The following HIPK2 variants were observed in gnomAD, a reference collection of about 807,000 sequenced individuals.
HIPK2 encodes homeodomain interacting protein kinase 2, also known as homeodomain-interacting protein kinase 2.
Under a neutral mutation model 113.7 loss-of-function variants are expected in HIPK2, and 27 were observed. The observed-to-expected ratio is 0.24, with a 90% confidence interval of 0.17 to 0.33. HIPK2 has a LOEUF of 0.33. Ranked by LOEUF, HIPK2 falls within the 10% of genes least tolerant of loss-of-function variation. The probability of loss-of-function intolerance (pLI) is 1.00; values close to 1 mark genes in which losing one functional copy is unlikely to be tolerated. For missense variants in HIPK2, 1,257 were observed against 1,588.0 expected, an observed-to-expected ratio of 0.79 and a Z score of 3.54; for synonymous variants, 631 against 642.2, an observed-to-expected ratio of 0.98 and a Z score of 0.26.
intron 1 of HIPK2, among the ~76,000 whole-genome samples, chr7:139,749,135 TG>T (rs1796238933): frequency 6.6e-6 from 1 of 152,244 alleles, no homozygotes; most frequent in South Asian, 2.1e-4. Context: ...TTTACAGGGA[TG>T]TTCTCTGGGT....
intron 2 of HIPK2, among the ~76,000 whole-genome samples, chr7:139,649,817 T>A (rs923593851): frequency 1.3e-5 from 2 of 151,992 alleles, no homozygotes; most frequent in African/African-American, 4.8e-5. Flanking sequence ...AACGTTAGGT[T>A]TAGTAGAGAA....
At chr7:139,750,226 A>C (rs553130242) in intron 1 of HIPK2, among the ~76,000 whole-genome samples, 84 of 152,354 alleles carry the variant, frequency 5.5e-4, no homozygotes, top group African/African-American at 1.8e-3. Context: ...TGGTTAAATA[A>C]AGACAGACAT....
At chr7:139,645,475 C>T (rs186095241) in intron 2 of HIPK2, among the ~76,000 whole-genome samples, 23 of 152,276 alleles carry the variant, frequency 1.5e-4, no homozygotes, top group Admixed American at 7.8e-4. Flanking sequence ...AAACAGGTAT[C>T]GTCTGAGGAG....
chr7:139,633,095 C>CAAAAAAAA (rs942820284), intron 2 of HIPK2, among the ~76,000 whole-genome samples: 88 of 74,250 alleles, frequency 1.2e-3, no homozygotes, highest in East Asian at 4.1e-3. Context: ...GACCCTGTCT[C>CAAAAAAAA]AAAAAAAAAA....
intron 2 of HIPK2, among the ~76,000 whole-genome samples, chr7:139,681,938 C>A (rs148606616): frequency 6.6e-6 from 1 of 152,154 alleles, no homozygotes; most frequent in Non-Finnish European, 1.5e-5. Flanking sequence ...CATGGCCTGG[C>A]CTGAGTGGGC....
intron 2 of HIPK2, among the ~76,000 whole-genome samples, chr7:139,651,517 G>A (rs1035298450): frequency 2.6e-5 from 4 of 152,168 alleles, no homozygotes; most frequent in African/African-American, 7.2e-5. Flanking sequence ...CCCTCTGCAC[G>A]TGTGTGTCAC....
chr7:139,721,167 T>A (rs545110776), intron 1 of HIPK2, among the ~76,000 whole-genome samples: 1 of 152,340 alleles, frequency 6.6e-6, no homozygotes, highest in African/African-American at 2.4e-5. Flanking sequence ...CAACGCTCAG[T>A]GCAGACGTGT....
intron 1 of HIPK2, among the ~76,000 whole-genome samples, chr7:139,728,682 A>G (rs145014166): frequency 2.0e-5 from 3 of 152,326 alleles, no homozygotes; most frequent in East Asian, 3.9e-4. Flanking sequence ...TGAATTTGGC[A>G]GGGGGGAAAC....
chr7:139,638,656 C>CTTTTTTTTTTTTTTTTTTTTTTT lies in HIPK2; in HGVS notation c.1104-6932_1104-6931insAAAAAAAAAAAAAAAAAAAAAAA, dbSNP rs1184555180. Among the ~76,000 whole-genome samples the CTTTTTTTTTTTTTTTTTTTTTTT allele has an allele frequency of 3.8e-4, 49 of 130,244 alleles. 1 individual carries two copies. Among genetic ancestry groups the CTTTTTTTTTTTTTTTTTTTTTTT allele is most frequent in the African/African-American group, 1.4e-3 (45 of 32,918 alleles). 85.4% of individuals were successfully genotyped at this position (130,244 alleles called of 152,430 possible). On this transcript the variant is annotated intron_variant, in intron 2 of 14. Coordinates refer to ENST00000406875, the MANE Select transcript of HIPK2 (RefSeq NM_022740.5). ...CTGGAGAAAGAGAGTAAATAATTGT[C>CTTTTTTTTTTTTTTTTTTTTTTT]TTTTTTTTTTTTTTTTTTTGAGACA...
chr7:139,584,021 C>T lies in HIPK2; in HGVS notation c.2761G>A (p.Val921Ile). The stretch of plus-strand genomic sequence containing the variant: ...GAGTCGGAGTAGGGGGAGTCGTGGA[C>T]TGTGACACAGCTGATGACGTTTTTT... ...QRKNVISCVTVHDSPYSDSSS... is the reference protein window; with the variant it reads ...QRKNVISCVTIHDSPYSDSSS... The change falls in exon 13 of 15, where the codon GTC (valine) becomes ATC (isoleucine). Residue 921 changes from valine (V) to isoleucine (I), a missense_variant. Val to Ile is a conservative substitution (Grantham distance 29). Around this residue, in one of 5 missense-constraint regions of HIPK2, gnomAD observed 862 missense variants for 1,004.3 expected, o/e 0.86. Coordinates refer to ENST00000406875, the MANE Select transcript of HIPK2 (RefSeq NM_022740.5). The T allele has an allele frequency of 6.2e-7, 1 of 1,610,726 alleles. No individual in the cohort carries two copies. The highest frequency in any genetic ancestry group is 8.5e-7 in the Non-Finnish European group (1 of 1,177,968).
intron 13 of HIPK2, among the ~76,000 whole-genome samples, chr7:139,576,075 G>A (rs1181041866): frequency 6.6e-6 from 1 of 152,264 alleles, no homozygotes; most frequent in Non-Finnish European, 1.5e-5. Flanking sequence ...GGGTGACTAT[G>A]AGTATCAGAG....
chr7:139,578,220 G>C lies in HIPK2; in HGVS notation c.2966-2932C>G, dbSNP rs558803667. 1.3e-3 allele frequency among the ~76,000 whole-genome samples: 196 copies of C among 152,298 alleles called. 1 individual carries two copies. The highest frequency in any genetic ancestry group is 2.1e-3 in the Non-Finnish European group (144 of 68,032). ...AGACGGGGTTTCACCATATTGGCCA[G>C]GCTGGTCTCGAATTCCTGACCTTGT... On this transcript the variant is annotated intron_variant, in intron 13 of 14. Transcript: ENST00000406875.
At chr7:139,753,810 AAGG>A (rs1480350116) in intron 1 of HIPK2, among the ~76,000 whole-genome samples, 5 of 152,242 alleles carry the variant, frequency 3.3e-5, no homozygotes, top group Admixed American at 6.5e-5. Context: ...ATAGGCAGCA[AAGG>A]AGGTGAGCCT....
chr7:139,763,676 A>G (rs1328764707), intron 1 of HIPK2, among the ~76,000 whole-genome samples: 1 of 152,228 alleles, frequency 6.6e-6, no homozygotes, highest in African/African-American at 2.4e-5. Context: ...GCTTCACGAT[A>G]AACAGTCTGT....
At chr7:139,738,662 C>A (rs1796011838) in intron 1 of HIPK2, among the ~76,000 whole-genome samples, 1 of 152,068 alleles carries the variant, frequency 6.6e-6, no homozygotes, top group African/African-American at 2.4e-5. Flanking sequence ...CATGACAAAA[C>A]AAATGGGGTG....
intron 1 of HIPK2, among the ~76,000 whole-genome samples, chr7:139,758,856 A>G (rs2117135599): frequency 6.6e-6 from 1 of 152,372 alleles, no homozygotes; most frequent in Non-Finnish European, 1.5e-5. Context: ...TGTAAACAGA[A>G]AAAAGTAAAA....
chr7:139,635,364 C>T (rs571936337), intron 2 of HIPK2, among the ~76,000 whole-genome samples: 1 of 152,168 alleles, frequency 6.6e-6, no homozygotes, highest in Admixed American at 6.5e-5. Flanking sequence ...AGGTTAGTTA[C>T]GTGGTTCTCA....
At chr7:139,673,885 TAAAAAAAAAAAAAAA>T (rs60905469) in intron 2 of HIPK2, among the ~76,000 whole-genome samples, 2 of 73,406 alleles carry the variant, frequency 2.7e-5, no homozygotes, top group African/African-American at 9.9e-5. Flanking sequence ...CTATCTGTAC[TAAAAAAAAAAAAAAA>T]AAAAAAAAAA....
chr7:139,592,056 T>C (rs1158811377), intron 12 of HIPK2, among the ~76,000 whole-genome samples: 1 of 152,266 alleles, frequency 6.6e-6, no homozygotes, highest in East Asian at 1.9e-4. Flanking sequence ...GTTTATCAGT[T>C]TTCTAACCTT....
Sources: allele counts gnomAD v4.1 joint callset (sites outside exome capture counted in the v4.1 genomes callset), GRCh38; gene constraint gnomAD v4.1.1; regional missense constraint gnomAD v4.1.1; transcripts MANE v1.5; gene names NCBI Gene and HGNC (gene_info 2026-07-23, HGNC 2026-07-21).